The following ADK variants were observed in gnomAD, a reference collection of about 807,000 sequenced individuals.
The protein encoded by ADK is N6,N6-dimethyladenosine kinase.
ADK carries 24 observed loss-of-function variants against 44.7 expected under a neutral mutation model. That is an observed-to-expected ratio of 0.54 (90% CI 0.39 to 0.76). ADK has a LOEUF of 0.76. ADK is among the 30% of genes least tolerant of loss of function. The probability of loss-of-function intolerance (pLI) is 0.00; values close to 1 mark genes in which losing one functional copy is unlikely to be tolerated. For synonymous variants in ADK, 128 were observed against 142.6 expected, an observed-to-expected ratio of 0.90 and a Z score of 0.73; for missense variants, 321 against 425.1, an observed-to-expected ratio of 0.76 and a Z score of 2.15.
chr10:74,594,706 T>G (rs1851841324), intron 8 of ADK, among the ~76,000 whole-genome samples: 1 of 151,878 alleles, frequency 6.6e-6, no homozygotes, highest in Non-Finnish European at 1.5e-5. Context: ...GAGTATGTTC[T>G]TTGATTTGGA....
chr10:74,363,816 C>T (rs1158489148), intron 4 of ADK, among the ~76,000 whole-genome samples: 2 of 151,542 alleles, frequency 1.3e-5, no homozygotes, highest in Admixed American at 1.3e-4. Flanking sequence ...GAATGGACCA[C>T]CTGAGGATCT....
chr10:74,596,679 G>T (rs1851937033), intron 8 of ADK, among the ~76,000 whole-genome samples: 1 of 152,030 alleles, frequency 6.6e-6, no homozygotes, highest in Non-Finnish European at 1.5e-5. Context: ...CTAAGTAGCT[G>T]GGACTATAGG....
At chr10:74,295,747 G>C (rs950929382) in intron 3 of ADK, among the ~76,000 whole-genome samples, 3 of 115,594 alleles carry the variant, frequency 2.6e-5, no homozygotes, top group African/African-American at 8.5e-5. Context: ...TTCTTTGTAG[G>C]AATGTTCCAT....
At chr10:74,507,198 CTG>C (rs1254080595) in intron 6 of ADK, among the ~76,000 whole-genome samples, 1 of 152,130 alleles carries the variant, frequency 6.6e-6, no homozygotes, top group African/African-American at 2.4e-5. Flanking sequence ...ACTAAAAACA[CTG>C]TAAACTGGGA....
At chr10:74,588,326 C>T (rs1188562432) in intron 7 of ADK, among the ~76,000 whole-genome samples, 1 of 151,980 alleles carries the variant, frequency 6.6e-6, no homozygotes, top group Non-Finnish European at 1.5e-5. Context: ...CCAAAAATGT[C>T]TTTTATAGCT....
Position 74,224,635 on chromosome 10 carries a change from A to G in ADK, c.194+44A>G, listed in dbSNP as rs376565039. On this transcript the variant is annotated intron_variant, in intron 3 of 10. Coordinates refer to ENST00000539909, the MANE Select transcript of ADK (RefSeq NM_006721.4). ...TGGTTGTAAATAGTTTACTCTGTCT[A>G]TGAACTTGATATATGTATATGTAAA... 34 of 1,475,636 alleles carry G rather than the reference A, an allele frequency of 2.3e-5. No homozygotes were observed. In the African/African-American group the frequency reaches 2.8e-4, roughly 12 times the overall value. The allele number at this position is 1,475,636 out of a possible 1,614,324, so 91.4% of individuals were successfully genotyped here.
chr10:74,575,528 G>T (rs988163341), intron 7 of ADK, among the ~76,000 whole-genome samples: 1 of 152,120 alleles, frequency 6.6e-6, no homozygotes, highest in Non-Finnish European at 1.5e-5. Flanking sequence ...GTGGTTGAAG[G>T]TATTCTAATT....
In ADK at chr10:74,356,002, A is replaced by ATATTGGTTTTT. The variant is rs57958159; in HGVS notation, c.274-38138_274-38137insATTGGTTTTTT. ...TCTGAAATATTTCACTAAATAATTC[A>ATATTGGTTTTT]TTTTTTTTTTTTTTTTTTTTTTTTT... On this transcript the variant is annotated intron_variant, in intron 4 of 10. Coordinates refer to ENST00000539909, the MANE Select transcript of ADK (RefSeq NM_006721.4). Among the ~76,000 whole-genome samples the ATATTGGTTTTT allele has an allele frequency of 3.0e-3, 250 of 83,298 alleles. 28 individuals are homozygous for ATATTGGTTTTT. The highest frequency in any genetic ancestry group is 6.0e-3 in the South Asian group (13 of 2,172). 54.6% of individuals were successfully genotyped at this position (83,298 alleles called of 152,430 possible).
chr10:74,605,973 G>A (rs1259355079), intron 9 of ADK, among the ~76,000 whole-genome samples: 3 of 152,174 alleles, frequency 2.0e-5, no homozygotes, highest in Non-Finnish European at 4.4e-5. Context: ...AGTCTTGGGA[G>A]GGTGTATGTG....
chr10:74,155,664 G>A (rs1397841206), intron 1 of ADK, among the ~76,000 whole-genome samples: 1 of 151,938 alleles, frequency 6.6e-6, no homozygotes, highest in Non-Finnish European at 1.5e-5. Flanking sequence ...GAGTAGCTGG[G>A]ACTACAGGCG....
chr10:74,225,089 A>G (rs1470376491), intron 3 of ADK, among the ~76,000 whole-genome samples: 2 of 152,032 alleles, frequency 1.3e-5, no homozygotes, highest in Non-Finnish European at 2.9e-5. Flanking sequence ...ACTTTATTTT[A>G]TTTTTATTTT....
chr10:74,555,610 C>T (rs1196031380), intron 7 of ADK, among the ~76,000 whole-genome samples: 1 of 134,172 alleles, frequency 7.5e-6, no homozygotes, highest in African/African-American at 2.9e-5. Context: ...GACCTTGTCT[C>T]GAAAAAAAAA....
chr10:74,211,091 A>G (rs10762583), intron 2 of ADK, among the ~76,000 whole-genome samples: 31,432 of 151,932 alleles, frequency 0.21, 4,402 homozygotes, highest in African/African-American at 0.4. Flanking sequence ...CACCATGTTG[A>G]CCAGGCTGGT....
intron 6 of ADK, among the ~76,000 whole-genome samples, chr10:74,517,515 C>G (rs1190923260): frequency 6.6e-6 from 1 of 151,878 alleles, no homozygotes; most frequent in Non-Finnish European, 1.5e-5. Context: ...ATGACAAAAT[C>G]CTGTTTCTAC....
At chr10:74,184,644 AC>A (rs1312838737) in intron 1 of ADK, among the ~76,000 whole-genome samples, 18 of 151,970 alleles carry the variant, frequency 1.2e-4, no homozygotes, top group Admixed American at 1.2e-3. Context: ...CGCCTCAGCC[AC>A]CTAAAGTGCT....
At position 74,449,187 on chromosome 10, in the gene ADK, T is replaced by C. The variant is rs188736774; in HGVS notation, c.555+50608T>C. Among the ~76,000 whole-genome samples, 608 of 152,340 alleles carry C rather than the reference T, an allele frequency of 4.0e-3. 8 individuals carry two copies. The highest frequency in any genetic ancestry group is 0.013 in the African/African-American group (541 of 41,586). Reference sequence around the variant, plus strand: ...TGTCATTCATAGGTGGAATTTATTCTCTCTGTCAAGGAAACTTAAGCCATG... The same window carrying C: ...TGTCATTCATAGGTGGAATTTATTCCCTCTGTCAAGGAAACTTAAGCCATG... On this transcript the variant is annotated intron_variant, in intron 6 of 10. Coordinates refer to ENST00000539909, the MANE Select transcript of ADK (RefSeq NM_006721.4).
At chr10:74,267,825 G>A (rs1249568660) in intron 3 of ADK, among the ~76,000 whole-genome samples, 1 of 145,158 alleles carries the variant, frequency 6.9e-6, no homozygotes, top group African/African-American at 2.5e-5. Context: ...TCTAAAAACA[G>A]GTGTAGGATT....
At chr10:74,480,653 A>G (rs1847034511) in intron 6 of ADK, among the ~76,000 whole-genome samples, 1 of 152,146 alleles carries the variant, frequency 6.6e-6, no homozygotes, top group African/African-American at 2.4e-5. Context: ...TAGGCCTGAA[A>G]ATACTGTTTC....
At chr10:74,675,284 A>T (rs1306482167) in intron 10 of ADK, among the ~76,000 whole-genome samples, 1 of 152,214 alleles carries the variant, frequency 6.6e-6, no homozygotes, top group Admixed American at 6.5e-5. Flanking sequence ...AGCTAAAAAG[A>T]TATATGACTA....
Sources: gnomAD v4.1 joint callset for allele counts (sites outside exome capture counted in the v4.1 genomes callset) on GRCh38, gnomAD v4.1.1 for gene constraint, MANE v1.5 for transcripts, NCBI Gene and HGNC (gene_info 2026-07-23, HGNC 2026-07-21) for gene names.